ASCL5: variants seen among roughly 807,000 people sequenced by gnomAD.
ASCL5 encodes achaete-scute family bHLH transcription factor 5.
For synonymous variants in ASCL5, 124 were observed against 131.5 expected (o/e 0.94, Z 0.39); for missense variants, 262 against 268.9 (o/e 0.97, Z 0.18).
Position 201,114,876 on chromosome 1 carries a change from G to A in ASCL5, c.497C>T (p.Thr166Ile). 1 of 1,228,240 alleles carries A rather than the reference G, an allele frequency of 8.1e-7. No individual in the cohort carries two copies. The highest frequency in any genetic ancestry group is 1.0e-6 in the Non-Finnish European group (1 of 985,706). The allele number at this position is 1,228,240 out of a possible 1,614,324, so 76.1% of individuals were successfully genotyped here. A position where few individuals can be genotyped will look rare whatever the true frequency, so the allele number is the denominator to read the frequency against. The change falls in exon 2 of 2, where the codon ACC becomes ATC. Residue 166 changes from threonine (T) to isoleucine (I), a missense_variant. Transcript: ENST00000449188. ...GTCGCCAGGGCGGTCGGGACGGGGG[G>A]TGGCGGGCGGCGCGGGGCAGGGCCC... The part of the protein sequence containing the change: ...GTGPCPAPPA[T>I]PRPDRPGDGE...
At chr1:201,125,613 G>A (rs545345436) in intron 1 of ASCL5, among the ~76,000 whole-genome samples, 2 of 152,106 alleles carry the variant, frequency 1.3e-5, no homozygotes, top group East Asian at 1.9e-4. Context: ...GTTCATTGGC[G>A]TGCCCTCGCC....
chr1:201,119,928 C>A (rs928542530), intron 1 of ASCL5, among the ~76,000 whole-genome samples: 2 of 152,126 alleles, frequency 1.3e-5, no homozygotes, highest in African/African-American at 4.8e-5. Context: ...GGGACCAGAG[C>A]CACTCCTTGC....
chr1:201,120,210 G>T (rs1160795027), intron 1 of ASCL5, among the ~76,000 whole-genome samples: 1 of 152,154 alleles, frequency 6.6e-6, no homozygotes, highest in Non-Finnish European at 1.5e-5. Context: ...GTCAGCGGGG[G>T]TCTCCTGGGC....
intron 1 of ASCL5, among the ~76,000 whole-genome samples, chr1:201,124,357 C>T (rs1008877635): frequency 1.3e-5 from 2 of 152,182 alleles, no homozygotes; most frequent in African/African-American, 4.8e-5. Context: ...CTGCCAGCCT[C>T]TGCCCTCTGA....
intron 1 of ASCL5, among the ~76,000 whole-genome samples, chr1:201,121,151 C>T (rs1480303861): frequency 6.6e-6 from 1 of 152,190 alleles, no homozygotes; most frequent in Non-Finnish European, 1.5e-5. Context: ...GCATCAGAGG[C>T]CCTGGGAAGC....
chr1:201,118,957 G>A (rs1313218300), intron 1 of ASCL5, among the ~76,000 whole-genome samples: 1 of 152,166 alleles, frequency 6.6e-6, no homozygotes, highest in Non-Finnish European at 1.5e-5. Context: ...CACCACCTCA[G>A]TTTCCCACCT....
At chr1:201,116,777 C>G (rs531285579) in intron 1 of ASCL5, among the ~76,000 whole-genome samples, 53 of 152,144 alleles carry the variant, frequency 3.5e-4, no homozygotes, top group Non-Finnish European at 5.7e-4. Context: ...CGCACTCCCC[C>G]CTCTTGTGTG....
At chr1:201,118,651 G>A (rs1663394609) in intron 1 of ASCL5, among the ~76,000 whole-genome samples, 1 of 152,168 alleles carries the variant, frequency 6.6e-6, no homozygotes, top group Non-Finnish European at 1.5e-5. Context: ...CAGTAAATAT[G>A]TACAGAGGGT....
chr1:201,114,871 G>A lies in ASCL5; in HGVS notation c.502C>T (p.Arg168Cys), dbSNP rs946865761. Residue 168 changes from arginine to cysteine, a missense_variant, in exon 2 of 2, where the codon CGT becomes TGT. By Grantham distance (180) the Arg-to-Cys change is radical (BLOSUM62 -3). Transcript: ENST00000449188. ...GPCPAPPATP[R>C]PDRPGDGEAR... ...TCGCCGTCGCCAGGGCGGTCGGGAC[G>A]GGGGGTGGCGGGCGGCGCGGGGCAG... The A allele has an allele frequency of 1.6e-6, 2 of 1,228,016 alleles. No homozygotes were observed. The highest frequency in any genetic ancestry group is 4.2e-5 in the Admixed American group (1 of 23,576). The allele number at this position is 1,228,016 out of a possible 1,614,324, so 76.1% of individuals were successfully genotyped here. A position where few individuals can be genotyped will look rare whatever the true frequency, so the allele number is the denominator to read the frequency against.
chr1:201,115,434 G>T lies in ASCL5; in HGVS notation c.-62C>A. 8.2e-7 allele frequency: 1 copy of T among 1,217,334 alleles called. No individual in the cohort carries two copies. Among genetic ancestry groups the T allele is most frequent in the Non-Finnish European group, 1.0e-6 (1 of 975,046 alleles). The allele number at this position is 1,217,334 out of a possible 1,614,324, so 75.4% of individuals were successfully genotyped here. A position where few individuals can be genotyped will look rare whatever the true frequency, so the allele number is the denominator to read the frequency against. ...ACCGAATGGCCCCGGCTTGGGGTCTGCACCGTCTCCACCAGTGGGGCAAGT... is the reference window on the plus strand; with the variant it reads ...ACCGAATGGCCCCGGCTTGGGGTCTTCACCGTCTCCACCAGTGGGGCAAGT... On this transcript the variant is annotated 5_prime_UTR_variant, in exon 2 of 2. Transcript: ENST00000449188.
intron 1 of ASCL5, among the ~76,000 whole-genome samples, chr1:201,116,912 C>CCCAGCATGA (rs1663361062): frequency 6.6e-6 from 1 of 152,166 alleles, no homozygotes; most frequent in African/African-American, 2.4e-5. Flanking sequence ...GACACCTTGG[C>CCCAGCATGA]CACTGGGCAC....
intron 1 of ASCL5, among the ~76,000 whole-genome samples, chr1:201,118,831 G>A (rs1663398304): frequency 6.6e-6 from 1 of 152,186 alleles, no homozygotes; most frequent in Non-Finnish European, 1.5e-5. Context: ...CGCCATCCTT[G>A]AGAGGTAGGT....
chr1:201,122,444 C>T (rs61819463), intron 1 of ASCL5, among the ~76,000 whole-genome samples: 7,827 of 152,114 alleles, frequency 0.051, 227 homozygotes, highest in East Asian at 0.14. Context: ...TGGTGCTTTG[C>T]GGCGTGCTCT....
At chr1:201,125,395 C>T (rs1663560871) in intron 1 of ASCL5, among the ~76,000 whole-genome samples, 1 of 152,198 alleles carries the variant, frequency 6.6e-6, no homozygotes, top group Non-Finnish European at 1.5e-5. Flanking sequence ...TCTCAAGCAG[C>T]CTCTGCGTTC....
At chr1:201,121,644 T>C (rs1324672984) in intron 1 of ASCL5, among the ~76,000 whole-genome samples, 2 of 152,256 alleles carry the variant, frequency 1.3e-5, no homozygotes, top group East Asian at 1.9e-4. Flanking sequence ...TTCTGCATAC[T>C]TTAGTAGAGA....
intron 1 of ASCL5, 37 bp downstream of exon 1, chr1:201,127,047 C>T (rs1572087402): frequency 1.3e-5 from 2 of 152,586 alleles, no homozygotes; most frequent in East Asian, 3.9e-4. Flanking sequence ...GGATCAAACT[C>T]GGGCACATCC....
In ASCL5 at chr1:201,118,487, GA is replaced by G. The variant is rs1009162187; in HGVS notation, c.-505-2611del. Among the ~76,000 whole-genome samples, 134 of 133,294 alleles carry G rather than the reference GA, an allele frequency of 1.0e-3. 1 individual carries two copies. Among genetic ancestry groups the G allele is most frequent in the African/African-American group, 1.9e-3 (69 of 36,604 alleles). The allele number at this position is 133,294 out of a possible 152,430, so 87.4% of individuals were successfully genotyped here. Reference sequence around the variant, plus strand: ...GCAACAGAGCAAGACCCTGTCTCAAGAAAAAAAAAAAAAAAGAGAACTCATA... The same window carrying G: ...GCAACAGAGCAAGACCCTGTCTCAAGAAAAAAAAAAAAAAGAGAACTCATA... On this transcript the variant is annotated intron_variant, in intron 1 of 1. Transcript: ENST00000449188.
At chr1:201,123,890 A>C (rs1344437029) in intron 1 of ASCL5, among the ~76,000 whole-genome samples, 1 of 152,218 alleles carries the variant, frequency 6.6e-6, no homozygotes, top group Non-Finnish European at 1.5e-5. Flanking sequence ...CCTTCTGAGG[A>C]GTCCAACAAC....
intron 1 of ASCL5, among the ~76,000 whole-genome samples, chr1:201,120,981 G>A (rs1001621940): frequency 6.6e-6 from 1 of 152,224 alleles, no homozygotes; most frequent in Non-Finnish European, 1.5e-5. Context: ...CAGAATGACA[G>A]AACTCATTAG....
Sources: allele counts gnomAD v4.1 joint callset (sites outside exome capture counted in the v4.1 genomes callset), GRCh38; gene constraint gnomAD v4.1.1; transcripts MANE v1.5; gene names NCBI Gene and HGNC (gene_info 2026-07-23, HGNC 2026-07-21).